Variants in LTV1 observed in about 807,000 individuals in gnomAD.
LTV1 encodes the protein protein LTV1 homolog.
In LTV1, 39 loss-of-function variants were observed where a neutral mutation model predicts 59.9. That is an observed-to-expected ratio of 0.65 (90% CI 0.50 to 0.85). The LOEUF is 0.85. Ranked by LOEUF, LTV1 falls within the 40% of genes least tolerant of loss-of-function variation. LTV1 has a pLI of 0.00. For missense variants in LTV1, 493 were observed against 549.1 expected, an observed-to-expected ratio of 0.90 and a Z score of 1.02; for synonymous variants, 171 against 189.5, an observed-to-expected ratio of 0.90 and a Z score of 0.80.
At chr6:143,843,628 A>ACGTTGG in intron 1 of LTV1, 148 bp downstream of exon 1, 1 of 985,422 alleles carries the variant, frequency 1.0e-6, no homozygotes, top group Non-Finnish European at 1.5e-6. Context: ...GGCCAACGTC[A>ACGTTGG]CCACCGTGGG....
Position 143,857,258 on chromosome 6 carries a change from G to A in LTV1, c.398-45G>A. ...ATATTGTGAGTTAAGTGAATGAATT[G>A]TTGCTATCTTGGGAATTACTGCTTA... On this transcript the variant is annotated intron_variant, in intron 4 of 10. Transcript: ENST00000367576. The surrounding 1 kb of genome is among the most constrained non-coding windows in gnomAD (Gnocchi z 5.2). 2 of 1,607,302 alleles carry A rather than the reference G, an allele frequency of 1.2e-6. No homozygotes were observed. Among genetic ancestry groups the A allele is most frequent in the African/African-American group, 1.3e-5 (1 of 74,776 alleles).
chr6:143,862,323 T>C lies in LTV1; in HGVS notation c.1063+80T>C, dbSNP rs1351662402. 5.4e-6 allele frequency: 7 copies of C among 1,299,046 alleles called. No homozygotes were observed. The Admixed American group carries it at 1.4e-4, about 26-fold the overall frequency. 80.5% of individuals were successfully genotyped at this position (1,299,046 alleles called of 1,614,324 possible). ...TAGGCTGGGTGCGGTGCCTCACGCC[T>C]GTAGTAATCCCAGCACTTTGGGAGG... is the stretch of plus-strand genomic sequence containing the variant. On this transcript the variant is annotated intron_variant, in intron 8 of 10. Transcript: ENST00000367576. The surrounding 1 kb of genome is among the most constrained non-coding windows in gnomAD (Gnocchi z 4.2).
intron 1 of LTV1, among the ~76,000 whole-genome samples, chr6:143,843,780 A>G (rs1356615568): frequency 6.6e-6 from 1 of 152,226 alleles, no homozygotes; most frequent in East Asian, 1.9e-4. Context: ...CTGCCGACAC[A>G]AACGCGCAAC....
intron 4 of LTV1, among the ~76,000 whole-genome samples, chr6:143,851,196 T>C (rs1433615114): frequency 6.6e-6 from 1 of 152,170 alleles, no homozygotes; most frequent in Non-Finnish European, 1.5e-5. Context: ...GCAGAGGGTG[T>C]TGGAGGCCAT....
At chr6:143,849,821 T>G (rs961657049) in intron 3 of LTV1, among the ~76,000 whole-genome samples, 1 of 152,168 alleles carries the variant, frequency 6.6e-6, no homozygotes, top group African/African-American at 2.4e-5. Flanking sequence ...GGCTGTTGAA[T>G]GGCTCATTCC....
chr6:143,856,519 G>A (rs1777079525), intron 4 of LTV1, among the ~76,000 whole-genome samples: 5 of 152,076 alleles, frequency 3.3e-5, no homozygotes, highest in Admixed American at 3.3e-4. Flanking sequence ...GAGGCATTCT[G>A]GTTTTTGGAA....
chr6:143,862,015 C>A lies in LTV1; in HGVS notation c.924-89C>A. The A allele has an allele frequency of 7.8e-7, 1 of 1,286,752 alleles. No homozygotes were observed. The highest frequency in any genetic ancestry group is 1.4e-5 in the South Asian group (1 of 70,010). 79.7% of individuals were successfully genotyped at this position (1,286,752 alleles called of 1,614,324 possible). A position where few individuals can be genotyped will look rare whatever the true frequency, so the allele number is the denominator to read the frequency against. On this transcript the variant is annotated intron_variant, in intron 7 of 10. Transcript: ENST00000367576. This position sits in a 1 kb window ranked among gnomAD's most constrained non-coding sequence, Gnocchi z 4.2. ...TGCATTTAAAACATTGGTTTTTCCA[C>A]AGCTAAAAATTGCAGTTTTAGTGAC...
chr6:143,850,132 G>A lies in LTV1; in HGVS notation c.311G>A (p.Ser104Asn), dbSNP rs1776958420. 6.2e-7 allele frequency: 1 copy of A among 1,612,126 alleles called. No individual in the cohort carries two copies. The highest frequency in any genetic ancestry group is 8.5e-7 in the Non-Finnish European group (1 of 1,178,896). ...EEKEETLVIPSTGIKLPSSVF... is the reference protein window; with the variant it reads ...EEKEETLVIPNTGIKLPSSVF... Reference sequence around the variant, plus strand: ...CCATTGTGCAATTTCTTTTTCAAGAGCACTGGAATTAAGTTGCCTTCATCA... The same window carrying A: ...CCATTGTGCAATTTCTTTTTCAAGAACACTGGAATTAAGTTGCCTTCATCA... Residue 104 changes from serine to asparagine, a missense_variant and splice_region_variant, in exon 4 of 11, where the codon AGC becomes AAC. By Grantham distance (46) the Ser-to-Asn change is conservative. Coordinates refer to ENST00000367576, the MANE Select transcript of LTV1 (RefSeq NM_032860.5).
chr6:143,856,187 C>A (rs1274973722), intron 4 of LTV1, among the ~76,000 whole-genome samples: 4 of 152,130 alleles, frequency 2.6e-5, no homozygotes, highest in African/African-American at 9.7e-5. Context: ...TTAAGTTGAT[C>A]TTCAATCGCT....
chr6:143,850,339 C>G (rs1582936446), intron 4 of LTV1, 121 bp downstream of exon 4: 4 of 681,458 alleles, frequency 5.9e-6, no homozygotes, highest in Non-Finnish European at 1.0e-5. Flanking sequence ...GTCTGGAATT[C>G]AGATCAGGGA....
In LTV1 at chr6:143,859,660, T is replaced by C. The variant is rs141778394; in HGVS notation, c.796-766T>C. ...TACAAATCTCACTCTTCAGGAGATA[T>C]ATCCCCCCCATTTACTCTTTGTCAA... On this transcript the variant is annotated intron_variant, in intron 6 of 10. Coordinates refer to ENST00000367576, the MANE Select transcript of LTV1 (RefSeq NM_032860.5). 4.6e-5 allele frequency among the ~76,000 whole-genome samples: 7 copies of C among 152,344 alleles called. No individual in the cohort carries two copies. The East Asian group carries it at 1.3e-3, about 29-fold the overall frequency.
intron 7 of LTV1, among the ~76,000 whole-genome samples, chr6:143,861,235 A>T (rs1017847966): frequency 6.6e-6 from 1 of 151,810 alleles, no homozygotes; most frequent in African/African-American, 2.4e-5. Context: ...TATTTTGCTT[A>T]AAAGTTTTGT....
At chr6:143,846,595 C>G (rs752286325) in intron 3 of LTV1, among the ~76,000 whole-genome samples, 18 of 152,196 alleles carry the variant, frequency 1.2e-4, no homozygotes, top group Admixed American at 2.0e-4. Context: ...GTGGAATATT[C>G]AGATCTTTAA....
chr6:143,856,871 C>A (rs1183840602), intron 4 of LTV1, among the ~76,000 whole-genome samples: 1 of 152,232 alleles, frequency 6.6e-6, no homozygotes. Context: ...TGTCTATTGA[C>A]CCCTGATGGG....
chr6:143,860,353 A>G (rs1250232497), intron 6 of LTV1, 73 bp from the exon 7 acceptor site: 1 of 1,395,488 alleles, frequency 7.2e-7, no homozygotes, highest in African/African-American at 1.5e-5. Context: ...GTTAATGTAA[A>G]AAAATTTTTA....
rs149173083 is a variant in LTV1 at position 143,852,763 on chromosome 6, G to T, written c.397+2545G>T. ...TTTTTGTATAAGGTGTAAAGAAGGG[G>T]TCCAATTTCAGTTTTCTGCATATGG... is the stretch of plus-strand genomic sequence containing the variant. On this transcript the variant is annotated intron_variant, in intron 4 of 10. Transcript: ENST00000367576. Among the ~76,000 whole-genome samples the T allele has an allele frequency of 6.8e-3, 1,042 of 152,204 alleles. 13 individuals are homozygous for T. The highest frequency in any genetic ancestry group is 0.028 in the South Asian group (134 of 4,824).
At chr6:143,861,433 CAA>C (rs1286965120) in intron 7 of LTV1, among the ~76,000 whole-genome samples, 9 of 114,540 alleles carry the variant, frequency 7.9e-5, no homozygotes, top group African/African-American at 6.5e-5. Flanking sequence ...GACTCTGTCT[CAA>C]AAAAAAAAAA....
Position 143,857,912 on chromosome 6 carries a change from G to C in LTV1, c.700G>C (p.Glu234Gln). 6.2e-7 allele frequency: 1 copy of C among 1,614,154 alleles called. No homozygotes were observed. Among genetic ancestry groups the C allele is most frequent in the Non-Finnish European group, 8.5e-7 (1 of 1,180,018 alleles). ...TATAGCAGATCACTTGTTCTGGAGT[G>C]AGGAAACAAAGAGTCGCTTCACGGA... ...RAIADHLFWS[E>Q]ETKSRFTEYS... Residue 234 changes from glutamate to glutamine, a missense_variant, in exon 6 of 11, where the codon GAG becomes CAG. Coordinates refer to ENST00000367576, the MANE Select transcript of LTV1 (RefSeq NM_032860.5). This position sits in a 1 kb window ranked among gnomAD's most constrained non-coding sequence, Gnocchi z 5.2.
rs1777173700 is a variant in LTV1 at position 143,862,066 on chromosome 6, C to T, written c.924-38C>T. The T allele has an allele frequency of 2.5e-6, 4 of 1,585,436 alleles. No individual in the cohort carries two copies. Among genetic ancestry groups the T allele is most frequent in the Non-Finnish European group, 2.6e-6 (3 of 1,169,148 alleles). On this transcript the variant is annotated intron_variant, in intron 7 of 10. Transcript: ENST00000367576. This position sits in a 1 kb window ranked among gnomAD's most constrained non-coding sequence, Gnocchi z 4.2. The stretch of plus-strand genomic sequence containing the variant: ...ATAGTATAATAATAGGTCATTTTTC[C>T]CCCTCTTGGTCTTCACTTTTAAAAA...
Sources: allele counts gnomAD v4.1 joint callset (sites outside exome capture counted in the v4.1 genomes callset), GRCh38; gene constraint gnomAD v4.1.1; non-coding constraint Gnocchi (gnomAD v3.1); transcripts MANE v1.5; gene names NCBI Gene and HGNC (gene_info 2026-07-23, HGNC 2026-07-21).